The following NFATC1 variants were observed in gnomAD, a reference collection of about 807,000 sequenced individuals.
The protein encoded by NFATC1 is nuclear factor of activated T cells 1, also known as nuclear factor of activated T-cells, cytoplasmic 1.
NFATC1 carries 22 observed loss-of-function variants against 76.0 expected under a neutral mutation model. The observed-to-expected ratio is 0.29, with a 90% confidence interval of 0.21 to 0.41. NFATC1 has a LOEUF of 0.41. Among genes scored for constraint, NFATC1 ranks in the 10% least tolerant of loss-of-function variants. The pLI, the probability that NFATC1 is intolerant of heterozygous loss-of-function variation, is 1.00. For synonymous variants in NFATC1, 704 were observed against 613.1 expected (o/e 1.15, Z -2.19); for missense variants, 1,357 against 1,337.7 (o/e 1.01, Z -0.23).
At chr18:79,406,709 G>A (rs1001017826) in intron 1 of NFATC1, among the ~76,000 whole-genome samples, 3 of 152,188 alleles carry the variant, frequency 2.0e-5, no homozygotes, top group African/African-American at 4.8e-5. Flanking sequence ...GTGGCTCGGC[G>A]TGGCACCTCA....
At chr18:79,439,472 G>A (rs2086896330) in intron 3 of NFATC1, among the ~76,000 whole-genome samples, 1 of 152,244 alleles carries the variant, frequency 6.6e-6, no homozygotes, top group Non-Finnish European at 1.5e-5. Context: ...AGGCCTGCAG[G>A]AGGCACGGAT....
intron 6 of NFATC1, among the ~76,000 whole-genome samples, chr18:79,459,950 C>T (rs2087971753): frequency 6.6e-6 from 1 of 152,192 alleles, no homozygotes; most frequent in African/African-American, 2.4e-5. Context: ...CTTTCCAGGG[C>T]CTGGAGGACT....
At chr18:79,441,894 C>G (rs1432417531) in intron 3 of NFATC1, among the ~76,000 whole-genome samples, 1 of 152,068 alleles carries the variant, frequency 6.6e-6, no homozygotes. Context: ...TTAATTAAAT[C>G]TAAACGTGGT....
intron 3 of NFATC1, among the ~76,000 whole-genome samples, chr18:79,444,598 C>T (rs898101304): frequency 5.3e-5 from 8 of 152,254 alleles, no homozygotes; most frequent in African/African-American, 7.2e-5. Context: ...AGGTCTGGGC[C>T]GGTTTACAGG....
At chr18:79,463,180 G>A (rs1321482987) in intron 7 of NFATC1, among the ~76,000 whole-genome samples, 8 of 152,220 alleles carry the variant, frequency 5.3e-5, no homozygotes, top group Admixed American at 5.2e-4. Context: ...TGCACCTTCA[G>A]TGGTGCTCAG....
Position 79,433,591 on chromosome 18 carries a change from C to T in NFATC1, c.1239C>T (p.Pro413=), listed in dbSNP as rs139104184. The change falls in exon 3 of 10, where the codon CCC becomes CCT. Residue 413 remains proline, a synonymous_variant. Coordinates refer to ENST00000427363, the MANE Select transcript of NFATC1 (RefSeq NM_001278669.2). The part of the protein sequence containing the change: ...SPTSYMSPTL[P]ALDWQLPSHS... Reference sequence around the variant, plus strand: ...TGTTCCCTTCCAGCCCGACCCTGCCCGCCCTGGACTGGCAGCTGCCGTCCC... The same window carrying T: ...TGTTCCCTTCCAGCCCGACCCTGCCTGCCCTGGACTGGCAGCTGCCGTCCC... The T allele has an allele frequency of 9.2e-4, 1,482 of 1,613,148 alleles. 16 individuals carry two copies. The highest frequency in any genetic ancestry group is 3.4e-3 in the Admixed American group (204 of 60,008).
chr18:79,527,728 G>T lies in NFATC1; in HGVS notation c.*151G>T. ...CTGAACATTAATATGTGCAAAGATT[G>T]GCTCTCCAACAAGAAGGAAAGCAGG... is the stretch of plus-strand genomic sequence containing the variant. On this transcript the variant is annotated 3_prime_UTR_variant, in exon 10 of 10. Transcript: ENST00000427363. The T allele has an allele frequency of 1.5e-6, 1 of 688,916 alleles. No individual in the cohort carries two copies. Among genetic ancestry groups the T allele is most frequent in the South Asian group, 1.8e-5 (1 of 55,374 alleles). The allele number at this position is 688,916 out of a possible 1,614,324, so 42.7% of individuals were successfully genotyped here.
At chr18:79,461,960 C>G (rs557341388) in intron 7 of NFATC1, among the ~76,000 whole-genome samples, 1 of 152,254 alleles carries the variant, frequency 6.6e-6, no homozygotes, top group East Asian at 1.9e-4. Flanking sequence ...AGCCTGTTAG[C>G]GGGCGGTGCA....
At chr18:79,443,031 C>T (rs2087044021) in intron 3 of NFATC1, among the ~76,000 whole-genome samples, 1 of 152,218 alleles carries the variant, frequency 6.6e-6, no homozygotes, top group South Asian at 2.1e-4. Context: ...TATGTTGAAA[C>T]AGCCCTTCCC....
intron 6 of NFATC1, among the ~76,000 whole-genome samples, chr18:79,460,290 A>G (rs1299827312): frequency 6.6e-6 from 1 of 152,280 alleles, no homozygotes; most frequent in African/African-American, 2.4e-5. Context: ...GAGACAGAGC[A>G]TAAGGATAAA....
rs570804590 is a variant in NFATC1, at chr18:79,399,314, T to C, written c.127+2963T>C. Among the ~76,000 whole-genome samples the C allele has an allele frequency of 5.3e-5, 8 of 152,326 alleles. No individual in the cohort carries two copies. In the South Asian group the frequency reaches 8.3e-4, roughly 16 times the overall value. On this transcript the variant is annotated intron_variant, in intron 1 of 9. Coordinates refer to ENST00000427363, the MANE Select transcript of NFATC1 (RefSeq NM_001278669.2). ...AGAAGCCCGGGGACGACCCTGGGACTGGAGGGTTTCTCGCCTCTGGAAAAG... is the reference window on the plus strand; with the variant it reads ...AGAAGCCCGGGGACGACCCTGGGACCGGAGGGTTTCTCGCCTCTGGAAAAG...
chr18:79,489,459 C>T (rs915084912), intron 9 of NFATC1, among the ~76,000 whole-genome samples: 3 of 152,232 alleles, frequency 2.0e-5, no homozygotes, highest in Non-Finnish European at 4.4e-5. Context: ...GCCCAGGATT[C>T]GCCAGCTGTA....
intron 7 of NFATC1, among the ~76,000 whole-genome samples, chr18:79,462,664 C>G (rs1336976870): frequency 2.6e-5 from 4 of 152,186 alleles, no homozygotes; most frequent in African/African-American, 9.6e-5. Context: ...TTTGAGTGTT[C>G]TGTTTAGTCC....
At chr18:79,483,703 TTCCTGGGGTGTAATTCCAGCGTGACCTGG>T (rs1423033559) in intron 8 of NFATC1, among the ~76,000 whole-genome samples, 20 of 138,402 alleles carry the variant, frequency 1.4e-4, no homozygotes, top group African/African-American at 5.6e-4. Flanking sequence ...CGTGACCTTG[TTCCTGGGGTGTAATTCCAGCGTGACCTGG>T]TCCTGGGGTG....
intron 1 of NFATC1, among the ~76,000 whole-genome samples, chr18:79,407,692 A>G (rs2085489825): frequency 1.3e-5 from 2 of 152,082 alleles, no homozygotes; most frequent in Admixed American, 6.5e-5. Context: ...TGATCCGCCC[A>G]CCTCGGCCTC....
At chr18:79,437,371 C>A (rs1267812718) in intron 3 of NFATC1, among the ~76,000 whole-genome samples, 1 of 152,180 alleles carries the variant, frequency 6.6e-6, no homozygotes, top group Non-Finnish European at 1.5e-5. Context: ...CAGGGAGTGA[C>A]CAGCAGCGCA....
intron 6 of NFATC1, among the ~76,000 whole-genome samples, chr18:79,455,817 C>CGCCCCATCCCACGG (rs1159327399): frequency 6.6e-6 from 1 of 151,080 alleles, no homozygotes; most frequent in African/African-American, 2.4e-5. Flanking sequence ...ATCCTCTGGC[C>CGCCCCATCCCACGG]CTGGATGTTA....
At chr18:79,424,332 G>A (rs920296330) in intron 2 of NFATC1, among the ~76,000 whole-genome samples, 11 of 152,226 alleles carry the variant, frequency 7.2e-5, no homozygotes, top group Admixed American at 3.3e-4. Context: ...GAGTTCTGCC[G>A]GCACAGGTCA....
intron 3 of NFATC1, among the ~76,000 whole-genome samples, chr18:79,440,988 A>C (rs2086953003): frequency 6.6e-6 from 1 of 152,180 alleles, no homozygotes; most frequent in Non-Finnish European, 1.5e-5. Context: ...ACCTGCCTCA[A>C]GCCACACCTC....
Sources: gnomAD v4.1 joint callset for allele counts (sites outside exome capture counted in the v4.1 genomes callset) on GRCh38, gnomAD v4.1.1 for gene constraint, MANE v1.5 for transcripts, NCBI Gene and HGNC (gene_info 2026-07-23, HGNC 2026-07-21) for gene names.